The following FAM98B variants were observed in gnomAD, a reference collection of about 807,000 sequenced individuals.
The protein encoded by FAM98B is tRNA-splicing ligase complex subunit FAM98B.
A neutral mutation model predicts 43.9 loss-of-function variants in FAM98B; 32 were observed. The ratio of observed to expected loss-of-function variants is 0.73; its 90% CI spans 0.55 to 0.98. FAM98B has a LOEUF of 0.98. FAM98B is among the 50% of genes least tolerant of loss of function. The pLI is 0.00. For synonymous variants in FAM98B, 190 were observed against 174.0 expected (o/e 1.09, Z -0.72); for missense variants, 514 against 522.9 (o/e 0.98, Z 0.17).
intron 4 of FAM98B, chr15:38,470,645 A>G (rs1293234027): frequency 6.6e-6 from 2 of 301,390 alleles, no homozygotes; most frequent in South Asian, 1.0e-4. Flanking sequence ...AGAGTTTACC[A>G]TGATAGAAAT....
chr15:38,477,066 G>C (rs930052828), intron 6 of FAM98B, among the ~76,000 whole-genome samples: 1 of 151,884 alleles, frequency 6.6e-6, no homozygotes, highest in Non-Finnish European at 1.5e-5. Flanking sequence ...GGGAGGTTGA[G>C]CTGGGAGGAT....
Position 38,484,403 on chromosome 15 carries a change from G to A in FAM98B, c.1046G>A (p.Gly349Asp). 2 of 1,193,828 alleles carry A rather than the reference G, an allele frequency of 1.7e-6. No homozygotes were observed. Among genetic ancestry groups the A allele is most frequent in the South Asian group, 2.3e-5 (1 of 44,424 alleles). The allele number at this position is 1,193,828 out of a possible 1,614,324, so 74.0% of individuals were successfully genotyped here. The stretch of plus-strand genomic sequence containing the variant: ...GGTGGTGGAGGTGGTGGTAGAGGAG[G>A]TGGTGGGGGTGGGGGTGGGAGAGGT... Reference protein sequence around the residue: ...GGGGGGGGRGGGGGGGGRGGW... With the variant: ...GGGGGGGGRGDGGGGGGRGGW... Residue 349 changes from glycine (G) to aspartate (D), a missense_variant, in exon 8 of 8, where the codon GGT (glycine) becomes GAT (aspartate). Transcript: ENST00000397609.
chr15:38,466,047 T>G (rs1890026277), intron 3 of FAM98B, among the ~76,000 whole-genome samples: 1 of 152,194 alleles, frequency 6.6e-6, no homozygotes, highest in African/African-American at 2.4e-5. Context: ...AATGACTATT[T>G]GAAAGAATTT....
At chr15:38,481,702 C>G in intron 7 of FAM98B, 1 of 1,198,016 alleles carries the variant, frequency 8.3e-7, no homozygotes, top group Non-Finnish European at 1.1e-6. Flanking sequence ...TTTGTCAAAG[C>G]TTTAGCAAGA....
intron 1 of FAM98B, among the ~76,000 whole-genome samples, chr15:38,455,114 A>G (rs12440278): frequency 0.26 from 39,710 of 152,048 alleles, 5,539 homozygotes; most frequent in East Asian, 0.52. Flanking sequence ...GCTCCTGGAA[A>G]ACTGATGCTT....
At chr15:38,477,345 A>G (rs1342144102) in intron 6 of FAM98B, among the ~76,000 whole-genome samples, 1 of 151,858 alleles carries the variant, frequency 6.6e-6, no homozygotes, top group Non-Finnish European at 1.5e-5. Flanking sequence ...GGAAAGGAGT[A>G]GCAGCATGTC....
At position 38,464,027 on chromosome 15, in the gene FAM98B, T is replaced by G. The variant is rs1284410176; in HGVS notation, c.72-5T>G. On this transcript the variant is annotated splice_polypyrimidine_tract_variant and splice_region_variant and intron_variant, in intron 1 of 7. Coordinates refer to ENST00000397609, the MANE Select transcript of FAM98B (RefSeq NM_173611.4). ...AGTTTTTAACTTGTATTTCTTCCTT[T>G]CTAGGTATAAAGGACCATTGTTAGA... 2.5e-6 allele frequency: 4 copies of G among 1,590,090 alleles called. No individual in the cohort carries two copies. The highest frequency in any genetic ancestry group is 3.4e-6 in the Non-Finnish European group (4 of 1,169,126).
Position 38,484,567 on chromosome 15 carries a change from G to C in FAM98B, c.1210G>C (p.Gly404Arg). The C allele has an allele frequency of 6.7e-7, 1 of 1,492,894 alleles. No homozygotes were observed. Among genetic ancestry groups the C allele is most frequent in the Non-Finnish European group, 8.9e-7 (1 of 1,128,942 alleles). 92.5% of individuals were successfully genotyped at this position (1,492,894 alleles called of 1,614,324 possible). ...AAGAGGGGGTTATGGTGGAAGAGGGGGCTATGGTGGAAGAGGCTATGGAGA... is the reference window on the plus strand; with the variant it reads ...AAGAGGGGGTTATGGTGGAAGAGGGCGCTATGGTGGAAGAGGCTATGGAGA... ...GGRGGYGGRG[G>R]YGGRGYGDPY... The change falls in exon 8 of 8, where the codon GGC (glycine) becomes CGC (arginine). Residue 404 changes from glycine to arginine, a missense_variant. Coordinates refer to ENST00000397609, the MANE Select transcript of FAM98B (RefSeq NM_173611.4).
In FAM98B at chr15:38,481,423, C is replaced by T. The variant is rs766813354; in HGVS notation, c.861C>T (p.Gly287=). The change falls in exon 7 of 8, where the codon GGC becomes GGT. Residue 287 remains glycine (G), a synonymous_variant. Coordinates refer to ENST00000397609, the MANE Select transcript of FAM98B (RefSeq NM_173611.4). The stretch of plus-strand genomic sequence containing the variant: ...CCAAGATCATTAGGACAAGTAGTGG[C>T]ACCAGCCGGGAGAAGACCGCATGTG... ...DLSKIIRTSS[G]TSREKTACAI... 3.1e-5 allele frequency: 50 copies of T among 1,614,054 alleles called. No homozygotes were observed. Among genetic ancestry groups the T allele is most frequent in the Non-Finnish European group, 4.1e-5 (48 of 1,180,032 alleles).
Position 38,481,328 on chromosome 15 carries a change from A to C in FAM98B, c.766A>C (p.Lys256Gln). 3 of 1,614,132 alleles carry C rather than the reference A, an allele frequency of 1.9e-6. No individual in the cohort carries two copies. The highest frequency in any genetic ancestry group is 1.7e-6 in the Non-Finnish European group (2 of 1,180,008). The change falls in exon 7 of 8, where the codon AAG becomes CAG. Residue 256 changes from lysine to glutamine, a missense_variant. This residue lies in a region of FAM98B where 469 missense variants were observed against 451.8 expected (regional missense o/e 1.04). Transcript: ENST00000397609. Reference protein sequence around the residue: ...TDDIARIYQPKRYALSPKTTI... With the variant: ...TDDIARIYQPQRYALSPKTTI... ...TGATATAGCAAGAATTTATCAGCCT[A>C]AGCGTTATGCTTTGTCACCCAAGAC...
chr15:38,481,974 C>T (rs1341843493), intron 7 of FAM98B: 1 of 186,768 alleles, frequency 5.4e-6, no homozygotes, highest in Non-Finnish European at 1.1e-5. Flanking sequence ...TCTATTTAAA[C>T]AAGCTCAAGG....
chr15:38,460,744 G>GT (rs1889933949), intron 1 of FAM98B, among the ~76,000 whole-genome samples: 1 of 152,156 alleles, frequency 6.6e-6, no homozygotes, highest in African/African-American at 2.4e-5. Context: ...GGCTATGGAG[G>GT]TAGGTTGTGT....
chr15:38,479,791 C>T (rs926584401), intron 6 of FAM98B, among the ~76,000 whole-genome samples: 23 of 152,146 alleles, frequency 1.5e-4, no homozygotes, highest in Admixed American at 9.8e-4. Context: ...TTAATGCTCT[C>T]GCTTCCCATG....
intron 5 of FAM98B, 70 bp downstream of exon 5, chr15:38,473,655 A>G (rs2141058734): frequency 7.9e-7 from 1 of 1,271,416 alleles, no homozygotes; most frequent in East Asian, 2.5e-5. Flanking sequence ...TTATAAATGA[A>G]CATCTATTTT....
intron 3 of FAM98B, among the ~76,000 whole-genome samples, chr15:38,466,928 TCTC>T (rs886391767): frequency 3.9e-4 from 59 of 152,300 alleles, no homozygotes; most frequent in African/African-American, 1.3e-3. Flanking sequence ...TTCAGATCCT[TCTC>T]CTCCTCCTCT....
At chr15:38,484,230 T>G (rs1365667563) in intron 7 of FAM98B, 25 bp from the exon 8 acceptor site, 62 of 1,542,006 alleles carry the variant, frequency 4.0e-5, no homozygotes, top group Non-Finnish European at 5.0e-5. Flanking sequence ...TATTAGGAAC[T>G]AAAAGAAAAT....
At chr15:38,479,815 C>T (rs1264201231) in intron 6 of FAM98B, among the ~76,000 whole-genome samples, 1 of 152,124 alleles carries the variant, frequency 6.6e-6, no homozygotes, top group Non-Finnish European at 1.5e-5. Flanking sequence ...AAATTGTTTT[C>T]CACTTAAGTT....
intron 7 of FAM98B, 74 bp downstream of exon 7, chr15:38,481,533 A>G (rs748305534): frequency 1.2e-6 from 2 of 1,613,718 alleles, no homozygotes; most frequent in Admixed American, 1.7e-5. Flanking sequence ...ATTTTAGTCT[A>G]TTTTTCTTTC....
At chr15:38,459,457 A>C (rs901930636) in intron 1 of FAM98B, 1 of 354,802 alleles carries the variant, frequency 2.8e-6, no homozygotes, top group African/African-American at 2.2e-5. Flanking sequence ...AGGCTTCTTA[A>C]GGAGGGCTTG....
Sources: gnomAD v4.1 joint callset for allele counts (sites outside exome capture counted in the v4.1 genomes callset) on GRCh38, gnomAD v4.1.1 for gene constraint, gnomAD v4.1.1 regional missense constraint, MANE v1.5 for transcripts, NCBI Gene and HGNC (gene_info 2026-07-23, HGNC 2026-07-21) for gene names.